Variants in FAR2 observed in about 807,000 individuals in gnomAD.
FAR2 encodes epididymis secretory protein Li 81.
In FAR2, 19 loss-of-function variants were observed where a neutral mutation model predicts 56.0. That is an observed-to-expected ratio of 0.34 (90% CI 0.24 to 0.50). The LOEUF is 0.50. FAR2 is among the 20% of genes least tolerant of loss of function. The pLI is 0.98. For synonymous variants in FAR2, 219 were observed against 218.8 expected (o/e 1.00, Z -0.01); for missense variants, 508 against 642.2 (o/e 0.79, Z 2.26).
rs376373127 is a variant in FAR2, at chr12:29,170,814, C to A, written c.-39+21407C>A. Among the ~76,000 whole-genome samples, 7 of 152,238 alleles carry A rather than the reference C, an allele frequency of 4.6e-5. No individual in the cohort carries two copies. The East Asian group carries it at 7.7e-4, about 17-fold the overall frequency. ...TTTCCTTTCTGCTGGTCTTTCCCTGCCTCTGCTAGCCGCTTATGCTGCTGT... is the reference window on the plus strand; with the variant it reads ...TTTCCTTTCTGCTGGTCTTTCCCTGACTCTGCTAGCCGCTTATGCTGCTGT... On this transcript the variant is annotated intron_variant, in intron 1 of 11. Transcript: ENST00000536681.
At chr12:29,173,759 C>G (rs116454717) in intron 1 of FAR2, among the ~76,000 whole-genome samples, 1 of 152,010 alleles carries the variant, frequency 6.6e-6, no homozygotes, top group African/African-American at 2.4e-5. Context: ...TTCCCCACAC[C>G]CCCCCTACCC....
intron 1 of FAR2, among the ~76,000 whole-genome samples, chr12:29,217,134 T>C (rs1377690539): frequency 6.6e-6 from 1 of 152,204 alleles, no homozygotes; most frequent in African/African-American, 2.4e-5. Flanking sequence ...ATAGATAAGT[T>C]ATCATACACT....
chr12:29,171,722 T>C, intron 1 of FAR2: 1 of 147,306 alleles, frequency 6.8e-6, no homozygotes, highest in Non-Finnish European at 1.5e-5. Context: ...CACCTCGGAC[T>C]GACTGCCCAC....
intron 1 of FAR2, among the ~76,000 whole-genome samples, chr12:29,183,772 T>C (rs1012350167): frequency 6.6e-6 from 1 of 152,190 alleles, no homozygotes; most frequent in Non-Finnish European, 1.5e-5. Flanking sequence ...TAGCTAGCAT[T>C]TTACCTTGGT....
At chr12:29,198,253 A>G (rs1277739447) in intron 1 of FAR2, among the ~76,000 whole-genome samples, 2 of 152,012 alleles carry the variant, frequency 1.3e-5, no homozygotes, top group African/African-American at 4.8e-5. Flanking sequence ...TTTGAGACTG[A>G]GTCTCACTTT....
At chr12:29,267,137 A>G (rs1264417201) in intron 1 of FAR2, among the ~76,000 whole-genome samples, 2 of 152,190 alleles carry the variant, frequency 1.3e-5, no homozygotes, top group Non-Finnish European at 2.9e-5. Flanking sequence ...TGGTGAAAAT[A>G]CTTGGCTGTT....
intron 1 of FAR2, among the ~76,000 whole-genome samples, chr12:29,232,319 C>A (rs1000269674): frequency 6.6e-6 from 1 of 152,132 alleles, no homozygotes; most frequent in African/African-American, 2.4e-5. Context: ...TCCTTTGCAC[C>A]CTTGGCCAAT....
rs145603147 is a variant in FAR2 at position 29,312,628 on chromosome 12, T to C, written c.955+678T>C. ...AGAAACCCTGTACTATACAAATGAT[T>C]GATCTGTCTGAATGTAAAGGATTGG... On this transcript the variant is annotated intron_variant, in intron 8 of 11. Coordinates refer to ENST00000536681, the MANE Select transcript of FAR2 (RefSeq NM_001271783.2). 1.2e-4 allele frequency among the ~76,000 whole-genome samples: 19 copies of C among 152,276 alleles called. No individual in the cohort carries two copies. In the East Asian group the frequency reaches 2.9e-3, roughly 23 times the overall value.
At chr12:29,182,692 T>C (rs1381380580) in intron 1 of FAR2, among the ~76,000 whole-genome samples, 1 of 152,188 alleles carries the variant, frequency 6.6e-6, no homozygotes, top group African/African-American at 2.4e-5. Context: ...ATCTTTCTAC[T>C]AGTTTAAGAG....
intron 2 of FAR2, among the ~76,000 whole-genome samples, chr12:29,284,518 G>A (rs12303490): frequency 0.016 from 2,427 of 152,294 alleles, 67 homozygotes; most frequent in African/African-American, 0.05. Flanking sequence ...TGCCCCTGAG[G>A]TAAATCAACT....
chr12:29,257,522 G>C (rs1018960104), intron 1 of FAR2, among the ~76,000 whole-genome samples: 1 of 152,126 alleles, frequency 6.6e-6, no homozygotes, highest in Non-Finnish European at 1.5e-5. Context: ...TTGTTCTTTC[G>C]CTCTTTGCAA....
intron 1 of FAR2, among the ~76,000 whole-genome samples, chr12:29,188,628 CA>C (rs1243357067): frequency 2.0e-5 from 3 of 152,058 alleles, no homozygotes; most frequent in Admixed American, 1.3e-4. Context: ...TGAATTTCAC[CA>C]GTTTTTCCAT....
chr12:29,320,862 A>C (rs1949539298), intron 9 of FAR2, among the ~76,000 whole-genome samples: 1 of 152,188 alleles, frequency 6.6e-6, no homozygotes, highest in Non-Finnish European at 1.5e-5. Flanking sequence ...AGTGTGGTTC[A>C]TCTTGTGTAA....
intron 1 of FAR2, among the ~76,000 whole-genome samples, chr12:29,204,210 A>G (rs1947452669): frequency 6.6e-6 from 1 of 152,006 alleles, no homozygotes; most frequent in Non-Finnish European, 1.5e-5. Context: ...TTTGTTCTCC[A>G]GACAGATGCA....
rs1341173285 is a variant in FAR2 at position 29,333,517 on chromosome 12, C to T, written c.1386-115C>T. On this transcript the variant is annotated intron_variant, in intron 11 of 11. Transcript: ENST00000536681. ...AATTGGCCAAGTTATATCAAATACT[C>T]TGAGCACTTCATAAATACTTGCCAG... 2.0e-5 allele frequency: 19 copies of T among 949,114 alleles called. No individual in the cohort carries two copies. In the Admixed American group the frequency reaches 4.3e-4, roughly 21 times the overall value. 58.8% of individuals were successfully genotyped at this position (949,114 alleles called of 1,614,324 possible).
chr12:29,274,619 G>A (rs1948675655), intron 2 of FAR2, among the ~76,000 whole-genome samples: 1 of 151,958 alleles, frequency 6.6e-6, no homozygotes, highest in Non-Finnish European at 1.5e-5. Flanking sequence ...CATCCAGCTG[G>A]CCGGTTCCTG....
intron 1 of FAR2, among the ~76,000 whole-genome samples, chr12:29,226,156 A>G (rs1947765691): frequency 6.6e-6 from 1 of 152,256 alleles, no homozygotes; most frequent in Non-Finnish European, 1.5e-5. Flanking sequence ...GTAAGTGCCC[A>G]ATAAATGTTA....
intron 2 of FAR2, among the ~76,000 whole-genome samples, chr12:29,287,735 C>T (rs984169429): frequency 1.3e-5 from 2 of 152,068 alleles, no homozygotes; most frequent in Non-Finnish European, 2.9e-5. Flanking sequence ...ATCAAAGATT[C>T]TCATGATTAG....
At chr12:29,271,202 A>G (rs12830274) in intron 2 of FAR2, among the ~76,000 whole-genome samples, 18,268 of 152,222 alleles carry the variant, frequency 0.12, 1,268 homozygotes, top group Middle Eastern at 0.24. Context: ...ACATCTGTGA[A>G]TGAGCATTTG....
Sources: allele counts gnomAD v4.1 joint callset (sites outside exome capture counted in the v4.1 genomes callset), GRCh38; gene constraint gnomAD v4.1.1; transcripts MANE v1.5; gene names NCBI Gene and HGNC (gene_info 2026-07-23, HGNC 2026-07-21).